The following SKI variants were observed in gnomAD, a reference collection of about 807,000 sequenced individuals.
SKI encodes SKI proto-oncogene.
Under a neutral mutation model 59.3 loss-of-function variants are expected in SKI, and 23 were observed. The ratio of observed to expected loss-of-function variants is 0.39; its 90% confidence interval spans 0.28 to 0.55. SKI has a LOEUF of 0.55. Ranked by LOEUF, SKI falls within the 20% of genes least tolerant of loss-of-function variation. The pLI is 0.67. For synonymous variants in SKI, 673 were observed against 488.6 expected (o/e 1.38, Z -4.98); for missense variants, 1,017 against 1,038.9 (o/e 0.98, Z 0.29).
At position 2,244,712 on chromosome 1, in the gene SKI, T is replaced by C. The variant is rs548119999; in HGVS notation, c.969+14977T>C. The stretch of plus-strand genomic sequence containing the variant: ...TGATTGTTTTGTTATTTCAGTATTT[T>C]TTTCTGTAACTTGTGCATATTACAT... On this transcript the variant is annotated intron_variant, in intron 1 of 6. Coordinates refer to ENST00000378536, the MANE Select transcript of SKI (RefSeq NM_003036.4). 3.3e-5 allele frequency among the ~76,000 whole-genome samples: 5 copies of C among 152,352 alleles called. No homozygotes were observed. In the South Asian group the frequency reaches 1.0e-3, roughly 32 times the overall value.
At position 2,306,313 on chromosome 1, in the gene SKI, T is replaced by C. The variant is rs186951424; in HGVS notation, c.1998+63T>C. On this transcript the variant is annotated intron_variant, in intron 6 of 6. Transcript: ENST00000378536. Reference sequence around the variant, plus strand: ...GGCGTGGAGCCGCCGTGGGCCCCGGTGGCCAGTCCTGCCCAGCCGGAAAGG... The same window carrying C: ...GGCGTGGAGCCGCCGTGGGCCCCGGCGGCCAGTCCTGCCCAGCCGGAAAGG... 8,846 of 1,399,288 alleles carry C rather than the reference T, an allele frequency of 6.3e-3. 115 individuals carry two copies. The highest frequency in any genetic ancestry group is 5.5e-3 in the Non-Finnish European group (5,665 of 1,039,282). 86.7% of individuals were successfully genotyped at this position (1,399,288 alleles called of 1,614,324 possible). A position where few individuals can be genotyped will look rare whatever the true frequency, so the allele number is the denominator to read the frequency against.
chr1:2,295,642 G>A (rs1466210875), intron 1 of SKI, among the ~76,000 whole-genome samples: 11 of 152,226 alleles, frequency 7.2e-5, no homozygotes, highest in South Asian at 2.1e-4. Context: ...TCTGGGCCAC[G>A]CGTGGCTGTG....
chr1:2,261,753 G>T (rs915784668), intron 1 of SKI, among the ~76,000 whole-genome samples: 1 of 152,272 alleles, frequency 6.6e-6, no homozygotes, highest in Non-Finnish European at 1.5e-5. Context: ...AATGGCACCG[G>T]CTAGGGCCTC....
At chr1:2,249,063 C>T (rs1165080780) in intron 1 of SKI, among the ~76,000 whole-genome samples, 1 of 152,260 alleles carries the variant, frequency 6.6e-6, no homozygotes, top group East Asian at 1.9e-4. Context: ...GTGTGCGAGG[C>T]TGTCAGGCCA....
At chr1:2,243,093 A>G (rs1398716562) in intron 1 of SKI, among the ~76,000 whole-genome samples, 3 of 152,180 alleles carry the variant, frequency 2.0e-5, no homozygotes, top group African/African-American at 7.2e-5. Flanking sequence ...CAGCTTTGGG[A>G]TATGAGTGCC....
At chr1:2,230,700 C>T (rs971372879) in intron 1 of SKI, among the ~76,000 whole-genome samples, 1 of 152,166 alleles carries the variant, frequency 6.6e-6, no homozygotes. Flanking sequence ...TTGCGTACCT[C>T]CCCAAGTATT....
rs1187740379 is a variant in SKI, at chr1:2,307,921, T to TC, written c.*1158dup. 2 of 152,552 alleles carry TC rather than the reference T, an allele frequency of 1.3e-5. No individual in the cohort carries two copies. Among genetic ancestry groups the TC allele is most frequent in the Non-Finnish European group, 2.9e-5 (2 of 68,046 alleles). 9.4% of individuals were successfully genotyped at this position (152,552 alleles called of 1,614,324 possible). ...GAACTTCGGGGGTCGTTCTGTGCCT[T>TC]CCAGCATCTTGTACAGCAAATCCTG... On this transcript the variant is annotated 3_prime_UTR_variant, in exon 7 of 7. Transcript: ENST00000378536.
At chr1:2,245,225 G>A (rs984474958) in intron 1 of SKI, among the ~76,000 whole-genome samples, 4 of 152,088 alleles carry the variant, frequency 2.6e-5, no homozygotes, top group Admixed American at 2.6e-4. Flanking sequence ...TCAGCACCAT[G>A]TCCTCAAGGC....
rs1248505251 is a variant in SKI at position 2,307,969 on chromosome 1, G to C, written c.*1204G>C. The C allele has an allele frequency of 6.6e-6, 1 of 152,392 alleles. No individual in the cohort carries two copies. Among genetic ancestry groups the C allele is most frequent in the African/African-American group, 2.4e-5 (1 of 41,406 alleles). The allele number at this position is 152,392 out of a possible 1,614,324, so 9.4% of individuals were successfully genotyped here. A position where few individuals can be genotyped will look rare whatever the true frequency, so the allele number is the denominator to read the frequency against. On this transcript the variant is annotated 3_prime_UTR_variant, in exon 7 of 7. Transcript: ENST00000378536. ...CTGACTCGTGTCTTTTTACCCCCAA[G>C]ATATCTGTCTTCAGTAGCGACTGAA...
At chr1:2,296,649 G>A (rs1640291779) in intron 1 of SKI, among the ~76,000 whole-genome samples, 1 of 151,952 alleles carries the variant, frequency 6.6e-6, no homozygotes, top group Non-Finnish European at 1.5e-5. Flanking sequence ...TACCGGGTTT[G>A]CACGTTTTCC....
intron 1 of SKI, among the ~76,000 whole-genome samples, chr1:2,238,188 C>G (rs189575966): frequency 6.6e-6 from 1 of 152,214 alleles, no homozygotes; most frequent in Non-Finnish European, 1.5e-5. Flanking sequence ...TCAGAGAACC[C>G]GAGCCTTCCT....
intron 1 of SKI, among the ~76,000 whole-genome samples, chr1:2,251,178 C>T (rs182239551): frequency 1.3e-5 from 2 of 152,210 alleles, no homozygotes; most frequent in African/African-American, 4.8e-5. Context: ...AGTAGCGCTG[C>T]GGACCGTGTT....
chr1:2,240,269 A>G (rs377312247), intron 1 of SKI, among the ~76,000 whole-genome samples: 1 of 152,330 alleles, frequency 6.6e-6, no homozygotes, highest in African/African-American at 2.4e-5. Context: ...GGCCTGGAGA[A>G]GCGACACCGG....
chr1:2,285,647 C>T (rs1250669145), intron 1 of SKI, among the ~76,000 whole-genome samples: 2 of 151,234 alleles, frequency 1.3e-5, no homozygotes, highest in South Asian at 2.1e-4. Context: ...TCACTACAAC[C>T]TCCGCCTCCC....
intron 1 of SKI, among the ~76,000 whole-genome samples, chr1:2,287,338 AT>A (rs56295904): frequency 2.3e-4 from 32 of 140,094 alleles, no homozygotes; most frequent in Non-Finnish European, 2.6e-4. Flanking sequence ...GAAATATCCA[AT>A]TTTTTTTTTT....
intron 1 of SKI, among the ~76,000 whole-genome samples, chr1:2,299,965 T>C (rs376787786): frequency 6.6e-6 from 1 of 152,142 alleles, no homozygotes; most frequent in East Asian, 1.9e-4. Context: ...CACTGCTGGC[T>C]CACCTGTTTG....
At chr1:2,284,363 C>T (rs1423152672) in intron 1 of SKI, among the ~76,000 whole-genome samples, 1 of 152,204 alleles carries the variant, frequency 6.6e-6, no homozygotes, top group Admixed American at 6.5e-5. Flanking sequence ...GTTCAGGTGA[C>T]CTGGCCTGGG....
At chr1:2,271,121 G>T (rs1639606684) in intron 1 of SKI, among the ~76,000 whole-genome samples, 1 of 152,166 alleles carries the variant, frequency 6.6e-6, no homozygotes, top group Admixed American at 6.5e-5. Context: ...GGGTGTTGGG[G>T]TGCACACAAG....
rs576604109 is a variant in SKI at position 2,266,876 on chromosome 1, TAGAA to T, written c.970-36098_970-36095del. ...AAGTTGCTCAGGGCCAAGTTTCAGA[TAGAA>T]AGAGCGAAAGTAACTGGAAATGTTG... On this transcript the variant is annotated intron_variant, in intron 1 of 6. Coordinates refer to ENST00000378536, the MANE Select transcript of SKI (RefSeq NM_003036.4). Among the ~76,000 whole-genome samples the T allele has an allele frequency of 9.2e-5, 14 of 152,204 alleles. No homozygotes were observed. The East Asian group carries it at 1.9e-3, about 21-fold the overall frequency.
Sources: allele counts gnomAD v4.1 joint callset (sites outside exome capture counted in the v4.1 genomes callset), GRCh38; gene constraint gnomAD v4.1.1; transcripts MANE v1.5; gene names NCBI Gene and HGNC (gene_info 2026-07-23, HGNC 2026-07-21).